Variants in PACS1 observed in about 807,000 individuals in gnomAD.
PACS1 encodes PACS-1.
A neutral mutation model predicts 115.0 loss-of-function variants in PACS1; 24 were observed. The observed-to-expected ratio is 0.21, with a 90% CI of 0.15 to 0.29. PACS1 has a LOEUF of 0.29. Among genes scored for constraint, PACS1 ranks in the 10% least tolerant of loss-of-function variants. The pLI, the probability that PACS1 is intolerant of heterozygous loss-of-function variation, is 1.00. For missense variants in PACS1, 838 were observed against 1,251.2 expected (o/e 0.67, Z 4.98); for synonymous variants, 453 against 504.5 (o/e 0.90, Z 1.37).
At chr11:66,232,055 A>G (rs1041105480) in intron 13 of PACS1, 117 bp from the exon 14 acceptor site, 1 of 644,362 alleles carries the variant, frequency 1.6e-6, no homozygotes, top group Non-Finnish European at 2.8e-6. Context: ...CAAAGTCCTG[A>G]TATCTGTTCT....
intron 1 of PACS1, among the ~76,000 whole-genome samples, chr11:66,122,545 C>T (rs1212657358): frequency 6.6e-6 from 1 of 152,168 alleles, no homozygotes; most frequent in East Asian, 1.9e-4. Flanking sequence ...AGGGATTCAC[C>T]ATTTTAGATG....
At chr11:66,185,035 T>C (rs1860095061) in intron 1 of PACS1, among the ~76,000 whole-genome samples, 1 of 152,154 alleles carries the variant, frequency 6.6e-6, no homozygotes, top group Non-Finnish European at 1.5e-5. Context: ...CTCGGCCTAA[T>C]TATAATAGCT....
chr11:66,226,494 C>T (rs118146007), intron 10 of PACS1, among the ~76,000 whole-genome samples: 321 of 152,328 alleles, frequency 2.1e-3, no homozygotes, highest in Non-Finnish European at 3.7e-3. Flanking sequence ...TGCTGCCAGA[C>T]ATCCCACAGT....
intron 1 of PACS1, among the ~76,000 whole-genome samples, chr11:66,174,088 C>T (rs1859797653): frequency 6.6e-6 from 1 of 150,628 alleles, no homozygotes; most frequent in Admixed American, 6.6e-5. Context: ...AGAGATTTTA[C>T]CAAAGAAGAT....
At chr11:66,240,206 T>C (rs918408047) in intron 21 of PACS1, among the ~76,000 whole-genome samples, 1 of 152,172 alleles carries the variant, frequency 6.6e-6, no homozygotes, top group Non-Finnish European at 1.5e-5. Flanking sequence ...GGGTTCAGGC[T>C]GAATCTCTGA....
chr11:66,167,316 T>C (rs2134634426), intron 1 of PACS1, among the ~76,000 whole-genome samples: 1 of 148,156 alleles, frequency 6.7e-6, no homozygotes, highest in African/African-American at 2.6e-5. Flanking sequence ...TTCTCTGGGT[T>C]CATGGCTTTG....
At chr11:66,234,640 T>G (rs1405047736) in intron 17 of PACS1, among the ~76,000 whole-genome samples, 1 of 152,058 alleles carries the variant, frequency 6.6e-6, no homozygotes, top group Non-Finnish European at 1.5e-5. Flanking sequence ...GTGGCAGAGG[T>G]CAAGGGCACG....
chr11:66,221,104 G>T, intron 9 of PACS1, 50 bp from the exon 10 acceptor site: 2 of 1,531,112 alleles, frequency 1.3e-6, no homozygotes, highest in Non-Finnish European at 1.8e-6. Flanking sequence ...CTCCCAGCAT[G>T]CTGTTCTGAG....
In PACS1 at chr11:66,070,437, G is replaced by A; in HGVS notation, c.-50G>A. 2 of 1,118,986 alleles carry A rather than the reference G, an allele frequency of 1.8e-6. No individual in the cohort carries two copies. The highest frequency in any genetic ancestry group is 2.3e-6 in the Non-Finnish European group (2 of 888,718). 69.3% of individuals were successfully genotyped at this position (1,118,986 alleles called of 1,614,324 possible). On this transcript the variant is annotated 5_prime_UTR_variant, in exon 1 of 24. Transcript: ENST00000320580. The surrounding 1 kb of genome is among the most constrained non-coding windows in gnomAD (Gnocchi z 5.9). ...CGCCGCCGCCGCGGGGGAAGCCTGG[G>A]AGCCAGATCGGCGTCGCCTCGGCCT...
rs753944180 is a variant in PACS1, at chr11:66,221,245, C to A, written c.1291C>A (p.Pro431Thr). Reference sequence around the variant, plus strand: ...CAGCCTCGGAAAAGACACCACCAGCCCTGTGAGCGCAACCGCGACTGCGGG... The same window carrying A: ...CAGCCTCGGAAAAGACACCACCAGCACTGTGAGCGCAACCGCGACTGCGGG... Reference protein sequence around the residue: ...KGSLGKDTTSPMELAALEKIK... With the variant: ...KGSLGKDTTSTMELAALEKIK... Residue 431 changes from proline to threonine, a missense_variant and splice_region_variant, in exon 10 of 24, where the codon CCT becomes ACT. Pro to Thr is a conservative substitution (Grantham distance 38). Around this residue, in one of 6 missense-constraint regions of PACS1, gnomAD observed 383 missense variants for 537.0 expected, o/e 0.71. Transcript: ENST00000320580. The A allele has an allele frequency of 6.2e-7, 1 of 1,614,036 alleles. No homozygotes were observed. Among genetic ancestry groups the A allele is most frequent in the South Asian group, 1.1e-5 (1 of 91,074 alleles).
intron 1 of PACS1, among the ~76,000 whole-genome samples, chr11:66,159,652 T>C (rs940739838): frequency 2.6e-5 from 4 of 152,132 alleles, no homozygotes; most frequent in African/African-American, 9.7e-5. Flanking sequence ...AAATGTAGGA[T>C]GGCAGCTGTT....
intron 1 of PACS1, chr11:66,121,188 T>A: frequency 2.3e-6 from 1 of 425,668 alleles, no homozygotes; most frequent in Non-Finnish European, 4.8e-6. Flanking sequence ...CGGTGATCAG[T>A]GGTCTTTGAT....
intron 1 of PACS1, among the ~76,000 whole-genome samples, chr11:66,122,559 T>C (rs1307456264): frequency 2.6e-5 from 4 of 152,234 alleles, no homozygotes; most frequent in Non-Finnish European, 5.9e-5. Flanking sequence ...TTAGATGCCA[T>C]TAAGAACATT....
intron 1 of PACS1, among the ~76,000 whole-genome samples, chr11:66,101,421 C>G (rs1342246838): frequency 6.6e-6 from 1 of 152,098 alleles, no homozygotes; most frequent in Non-Finnish European, 1.5e-5. Context: ...ATTTTTGCAT[C>G]CTGTTTTTCT....
In PACS1 at chr11:66,228,212, T is replaced by C. The variant is rs116963411; in HGVS notation, c.1374+628T>C. Among the ~76,000 whole-genome samples, 317 of 152,092 alleles carry C rather than the reference T, an allele frequency of 2.1e-3. 2 individuals are homozygous for C. In the East Asian group the frequency reaches 0.035, roughly 17 times the overall value. On this transcript the variant is annotated intron_variant, in intron 11 of 23. Coordinates refer to ENST00000320580, the MANE Select transcript of PACS1 (RefSeq NM_018026.4). ...GAGAAGCGACATCTGAGCTGGGCTTTGCAGGTTACGTCAAAGTTCATCCCG... is the reference window on the plus strand; with the variant it reads ...GAGAAGCGACATCTGAGCTGGGCTTCGCAGGTTACGTCAAAGTTCATCCCG...
chr11:66,160,121 G>T (rs1859453336), intron 1 of PACS1, among the ~76,000 whole-genome samples: 1 of 152,144 alleles, frequency 6.6e-6, no homozygotes, highest in South Asian at 2.1e-4. Flanking sequence ...GTTGGACATG[G>T]TCTCTGTTCT....
chr11:66,120,685 A>G (rs756110348), intron 1 of PACS1, among the ~76,000 whole-genome samples: 4 of 152,182 alleles, frequency 2.6e-5, no homozygotes, highest in African/African-American at 4.8e-5. Flanking sequence ...TTGGCCTTCC[A>G]TTTCCTCCTG....
Position 66,210,404 on chromosome 11 carries a change from G to C in PACS1, c.487G>C (p.Ala163Pro). ...TCGCTCCAACGAGATCGTCCTTCCA[G>C]CTAGTGGACTGGTGGAAACAGAGCT... is the stretch of plus-strand genomic sequence containing the variant. ...ILRSNEIVLP[A>P]SGLVETELQL... The change falls in exon 3 of 24, where the codon GCT becomes CCT. Residue 163 changes from alanine (A) to proline (P), a missense_variant. Ala to Pro is a conservative substitution (Grantham distance 27). Transcript: ENST00000320580. 6.2e-7 allele frequency: 1 copy of C among 1,614,046 alleles called. No individual in the cohort carries two copies. The highest frequency in any genetic ancestry group is 2.2e-5 in the East Asian group (1 of 44,880).
intron 4 of PACS1, among the ~76,000 whole-genome samples, chr11:66,214,032 CAA>C (rs71036278): frequency 4.7e-3 from 200 of 42,920 alleles, no homozygotes; most frequent in African/African-American, 0.022. Flanking sequence ...GACTCCATCT[CAA>C]AAAAAAAAAA....
Sources: gnomAD v4.1 joint callset for allele counts (sites outside exome capture counted in the v4.1 genomes callset) on GRCh38, gnomAD v4.1.1 for gene constraint, gnomAD v4.1.1 regional missense constraint, Gnocchi (gnomAD v3.1) non-coding constraint, MANE v1.5 for transcripts, NCBI Gene and HGNC (gene_info 2026-07-23, HGNC 2026-07-21) for gene names.